ARHGAP24: variants seen among roughly 807,000 people sequenced by gnomAD.
ARHGAP24 encodes rho GTPase-activating protein 24.
Under a neutral mutation model 76.4 loss-of-function variants are expected in ARHGAP24, and 50 were observed. The observed-to-expected ratio is 0.65, with a 90% CI of 0.52 to 0.83. The LOEUF (loss-of-function observed/expected upper bound fraction) is 0.83. Ranked by LOEUF, ARHGAP24 falls within the 40% of genes least tolerant of loss-of-function variation. ARHGAP24 has a pLI of 0.00. For synonymous variants in ARHGAP24, 345 were observed against 323.3 expected, an observed-to-expected ratio of 1.07 and a Z score of -0.72; for missense variants, 930 against 914.2, an observed-to-expected ratio of 1.02 and a Z score of -0.22.
Position 85,824,524 on chromosome 4 carries a change from C to T in ARHGAP24, c.269-99124C>T, listed in dbSNP as rs146676321. On this transcript the variant is annotated intron_variant, in intron 3 of 9. Transcript: ENST00000395184. ...ACATCAGGAAGGTATCATTACTGGG[C>T]AAGGTAGCATGAACCAAATAGAAAA... Among the ~76,000 whole-genome samples the T allele has an allele frequency of 1.5e-3, 222 of 152,286 alleles. 1 individual carries two copies. Among genetic ancestry groups the T allele is most frequent in the African/African-American group, 4.9e-3 (205 of 41,564 alleles).
chr4:85,680,795 A>G (rs1444898343), intron 2 of ARHGAP24, among the ~76,000 whole-genome samples: 1 of 148,698 alleles, frequency 6.7e-6, no homozygotes, highest in Non-Finnish European at 1.5e-5. Flanking sequence ...TATAATTATA[A>G]TTATAATATA....
In ARHGAP24 at chr4:85,792,301, G is replaced by C. The variant is rs1269842053; in HGVS notation, c.268+70329G>C. 3.9e-5 allele frequency among the ~76,000 whole-genome samples: 6 copies of C among 151,980 alleles called. No homozygotes were observed. The East Asian group carries it at 1.2e-3, about 29-fold the overall frequency. ...GGATTAAGAGAATTCAGAATATACT[G>C]GTCCTGAAGAAACATCCTAAAATCA... On this transcript the variant is annotated intron_variant, in intron 3 of 9. Transcript: ENST00000395184.
At chr4:85,931,128 T>A (rs1331731198) in intron 4 of ARHGAP24, 1 of 1,397,506 alleles carries the variant, frequency 7.2e-7, no homozygotes, top group Non-Finnish European at 9.7e-7. Flanking sequence ...TCAGATAAAA[T>A]GGGAGTTTGG....
intron 3 of ARHGAP24, among the ~76,000 whole-genome samples, chr4:85,797,443 G>A (rs1728404722): frequency 6.6e-6 from 1 of 152,196 alleles, no homozygotes; most frequent in South Asian, 2.1e-4. Flanking sequence ...AAAGTGCTGG[G>A]ATTACAGGCG....
chr4:85,513,010 C>G (rs968057168), intron 1 of ARHGAP24, among the ~76,000 whole-genome samples: 2 of 152,228 alleles, frequency 1.3e-5, no homozygotes, highest in African/African-American at 4.8e-5. Flanking sequence ...GTTATGTCCT[C>G]TCCCTTAGAT....
chr4:85,859,165 G>GCA (rs1018635580), intron 3 of ARHGAP24, among the ~76,000 whole-genome samples: 3 of 150,284 alleles, frequency 2.0e-5, no homozygotes, highest in East Asian at 2.0e-4. Context: ...CCACTTCTGT[G>GCA]CACACACACA....
intron 4 of ARHGAP24, among the ~76,000 whole-genome samples, chr4:85,928,540 C>T (rs2148815303): frequency 6.6e-6 from 1 of 152,298 alleles, no homozygotes; most frequent in African/African-American, 2.4e-5. Flanking sequence ...TCACTGCAAC[C>T]TCTGCCTCCC....
intron 3 of ARHGAP24, among the ~76,000 whole-genome samples, chr4:85,916,498 T>A (rs999920677): frequency 2.0e-5 from 3 of 152,142 alleles, no homozygotes; most frequent in African/African-American, 7.2e-5. Context: ...TTGGGGAAAG[T>A]AATACTTAAA....
intron 3 of ARHGAP24, among the ~76,000 whole-genome samples, chr4:85,732,284 G>A (rs1275258875): frequency 2.0e-5 from 3 of 152,154 alleles, no homozygotes; most frequent in South Asian, 2.1e-4. Context: ...GGTTAGAAAC[G>A]ATGTCAGAAT....
At chr4:85,934,569 C>A (rs1451774337) in intron 4 of ARHGAP24, among the ~76,000 whole-genome samples, 1 of 152,116 alleles carries the variant, frequency 6.6e-6, no homozygotes, top group African/African-American at 2.4e-5. Flanking sequence ...GGCTGGAGTG[C>A]GGTGGTGAAA....
At chr4:85,714,057 G>A (rs143657170) in intron 2 of ARHGAP24, among the ~76,000 whole-genome samples, 16 of 152,074 alleles carry the variant, frequency 1.1e-4, no homozygotes, top group African/African-American at 2.7e-4. Context: ...TCTCACAATC[G>A]AGGAATGTCT....
intron 4 of ARHGAP24, among the ~76,000 whole-genome samples, chr4:85,926,978 A>C (rs1370055652): frequency 1.3e-5 from 2 of 152,222 alleles, no homozygotes; most frequent in Non-Finnish European, 2.9e-5. Context: ...AAAAATAATA[A>C]AAGTTTTTAA....
intron 2 of ARHGAP24, among the ~76,000 whole-genome samples, chr4:85,628,300 T>C (rs1054731138): frequency 1.1e-4 from 17 of 152,208 alleles, no homozygotes; most frequent in Non-Finnish European, 2.2e-4. Context: ...TTCTGAAATT[T>C]CTCCTGTCAT....
intron 1 of ARHGAP24, among the ~76,000 whole-genome samples, chr4:85,566,057 C>T (rs114096034): frequency 1.2e-4 from 19 of 152,260 alleles, no homozygotes; most frequent in African/African-American, 3.9e-4. Flanking sequence ...CTAGCTATGG[C>T]GTGGTACAGT....
intron 3 of ARHGAP24, among the ~76,000 whole-genome samples, chr4:85,828,188 AC>A (rs1432975986): frequency 1.3e-5 from 2 of 152,304 alleles, no homozygotes; most frequent in Non-Finnish European, 1.5e-5. Flanking sequence ...CTGTTCTTCC[AC>A]GCTGAAATGT....
intron 3 of ARHGAP24, among the ~76,000 whole-genome samples, chr4:85,919,521 C>T (rs534896987): frequency 2.6e-5 from 4 of 152,190 alleles, no homozygotes; most frequent in African/African-American, 9.6e-5. Flanking sequence ...TCATGCCCCA[C>T]CCCTTGCCGT....
At chr4:85,523,315 G>A (rs973216518) in intron 1 of ARHGAP24, among the ~76,000 whole-genome samples, 3 of 152,114 alleles carry the variant, frequency 2.0e-5, no homozygotes, top group Non-Finnish European at 4.4e-5. Context: ...TACTGTACAT[G>A]ACTCCTAGAT....
intron 2 of ARHGAP24, among the ~76,000 whole-genome samples, chr4:85,632,281 A>G (rs1473249568): frequency 6.6e-6 from 1 of 152,094 alleles, no homozygotes; most frequent in East Asian, 1.9e-4. Flanking sequence ...TGAAAAATAT[A>G]TATTGATAGA....
chr4:85,997,147 A>T (rs1185260133), intron 9 of ARHGAP24, among the ~76,000 whole-genome samples: 1 of 152,152 alleles, frequency 6.6e-6, no homozygotes, highest in Non-Finnish European at 1.5e-5. Flanking sequence ...TAGCCATGAA[A>T]TTATAGAAAG....
Sources: gnomAD v4.1 joint callset for allele counts (sites outside exome capture counted in the v4.1 genomes callset) on GRCh38, gnomAD v4.1.1 for gene constraint, MANE v1.5 for transcripts, NCBI Gene and HGNC (gene_info 2026-07-23, HGNC 2026-07-21) for gene names.